L3MBTL3: variants seen among roughly 807,000 people sequenced by gnomAD.
L3MBTL3 encodes the protein lethal(3)malignant brain tumor-like protein 3.
Under a neutral mutation model 102.3 loss-of-function variants are expected in L3MBTL3, and 27 were observed. The ratio of observed to expected loss-of-function variants is 0.26; its 90% CI spans 0.19 to 0.36. The LOEUF (loss-of-function observed/expected upper bound fraction) is 0.36, where lower values mean the gene tolerates loss of function less well. L3MBTL3 is among the 10% of genes least tolerant of loss of function. The probability of loss-of-function intolerance (pLI) is 1.00; values close to 1 mark genes in which losing one functional copy is unlikely to be tolerated. For synonymous variants in L3MBTL3, 340 were observed against 320.9 expected (o/e 1.06, Z -0.64); for missense variants, 798 against 955.3 (o/e 0.84, Z 2.17).
rs199843040 is a variant in L3MBTL3 at position 130,066,400 on chromosome 6, C to T, written c.912C>T (p.Cys304=). The T allele has an allele frequency of 1.5e-5, 24 of 1,610,798 alleles. No individual in the cohort carries two copies. In the East Asian group the frequency reaches 5.4e-4, roughly 36 times the overall value. The change falls in exon 11 of 23, where the codon TGC becomes TGT. Residue 304 remains cysteine (C), a synonymous_variant. Transcript: ENST00000361794. ...IKLHFDGYSD[C]YDFWVNADAL... The stretch of plus-strand genomic sequence containing the variant: ...TTCACTTTGATGGGTATTCTGATTG[C>T]TATGACTTCTGGGTGAATGCAGACG...
chr6:130,132,661 C>T (rs1331526706), intron 20 of L3MBTL3, among the ~76,000 whole-genome samples: 3 of 152,106 alleles, frequency 2.0e-5, no homozygotes, highest in Non-Finnish European at 4.4e-5. Flanking sequence ...CTAAGTCAAG[C>T]GTCCAGAGGA....
chr6:130,042,280 A>G (rs561220436), intron 2 of L3MBTL3, among the ~76,000 whole-genome samples: 9 of 152,200 alleles, frequency 5.9e-5, no homozygotes, highest in Non-Finnish European at 1.2e-4. Context: ...TAGAATAACA[A>G]ATTGGCAGAT....
chr6:130,052,742 A>G, intron 6 of L3MBTL3, 117 bp from the exon 7 acceptor site: 2 of 1,280,414 alleles, frequency 1.6e-6, no homozygotes, highest in Non-Finnish European at 2.1e-6. Flanking sequence ...CCTGGTAGTT[A>G]AAGATTTTTC....
intron 2 of L3MBTL3, among the ~76,000 whole-genome samples, chr6:130,039,139 G>A (rs1193475056): frequency 6.6e-6 from 1 of 151,934 alleles, no homozygotes; most frequent in Non-Finnish European, 1.5e-5. Context: ...AAACTATCAT[G>A]GACCCTTCAC....
rs767488277 is a variant in L3MBTL3 at position 130,133,409 on chromosome 6, G to C, written c.1967-43G>C. 3.1e-6 allele frequency: 5 copies of C among 1,600,804 alleles called. No individual in the cohort carries two copies. In the Admixed American group the frequency reaches 5.0e-5, roughly 16 times the overall value. On this transcript the variant is annotated intron_variant, in intron 20 of 22. Transcript: ENST00000361794. This position sits in a 1 kb window ranked among gnomAD's most constrained non-coding sequence, Gnocchi z 4.9. ...GATGCACGGCATTTGGGGCTTTCTTGCTGCTTTCAGAGAGTGATTTCCCAT... is the reference window on the plus strand; with the variant it reads ...GATGCACGGCATTTGGGGCTTTCTTCCTGCTTTCAGAGAGTGATTTCCCAT...
At position 130,094,240 on chromosome 6, in the gene L3MBTL3, C is replaced by G. The variant is rs754223206; in HGVS notation, c.1634-25C>G. 15 of 1,576,868 alleles carry G rather than the reference C, an allele frequency of 9.5e-6. No individual in the cohort carries two copies. In the Admixed American group the frequency reaches 2.5e-4, roughly 27 times the overall value. ...ATTTTTGCTTAATATTTTGCCCCTT[C>G]TTTCTTTTCTTTGCTCTTTCATAGG... On this transcript the variant is annotated intron_variant, in intron 17 of 22. Coordinates refer to ENST00000361794, the MANE Select transcript of L3MBTL3 (RefSeq NM_032438.4).
At chr6:130,122,841 C>T (rs1415143832) in intron 20 of L3MBTL3, among the ~76,000 whole-genome samples, 1 of 152,076 alleles carries the variant, frequency 6.6e-6, no homozygotes, top group Non-Finnish European at 1.5e-5. Context: ...GCCTCAGTTT[C>T]GTCTTGTGTA....
chr6:130,027,696 T>C (rs1779440968), intron 2 of L3MBTL3, among the ~76,000 whole-genome samples: 1 of 152,094 alleles, frequency 6.6e-6, no homozygotes, highest in Non-Finnish European at 1.5e-5. Flanking sequence ...TATAAAAATA[T>C]GAAGCAAAAT....
intron 11 of L3MBTL3, 21 bp downstream of exon 11, chr6:130,066,509 A>G: frequency 1.3e-6 from 2 of 1,597,058 alleles, no homozygotes; most frequent in Non-Finnish European, 1.7e-6. Context: ...TTTTTGTTTG[A>G]TATTTTAAAT....
At chr6:130,072,456 A>G (rs1172640786) in intron 13 of L3MBTL3, among the ~76,000 whole-genome samples, 1 of 152,184 alleles carries the variant, frequency 6.6e-6, no homozygotes, top group African/African-American at 2.4e-5. Flanking sequence ...ACTCTGCTTT[A>G]GAATATTTTG....
chr6:130,067,019 C>T (rs1782303033), intron 11 of L3MBTL3, among the ~76,000 whole-genome samples: 1 of 152,122 alleles, frequency 6.6e-6, no homozygotes, highest in African/African-American at 2.4e-5. Context: ...TATTTGAGTA[C>T]TTTATATTAT....
chr6:130,067,498 A>G (rs1408302645), intron 11 of L3MBTL3, among the ~76,000 whole-genome samples: 1 of 152,146 alleles, frequency 6.6e-6, no homozygotes, highest in Non-Finnish European at 1.5e-5. Context: ...CTGGGTTGAT[A>G]TTTTTGGCCT....
chr6:130,029,931 C>A (rs924232656), intron 2 of L3MBTL3, among the ~76,000 whole-genome samples: 1 of 152,148 alleles, frequency 6.6e-6, no homozygotes, highest in Non-Finnish European at 1.5e-5. Context: ...TCAAGCGATT[C>A]TCGTGCTTCA....
At chr6:130,023,810 T>G (rs971237765) in intron 2 of L3MBTL3, among the ~76,000 whole-genome samples, 8 of 152,196 alleles carry the variant, frequency 5.3e-5, no homozygotes, top group African/African-American at 1.7e-4. Flanking sequence ...TGGCTAAAAC[T>G]TTTAGATTGG....
intron 14 of L3MBTL3, among the ~76,000 whole-genome samples, chr6:130,082,365 T>TAACC (rs1783420382): frequency 6.6e-6 from 1 of 152,222 alleles, no homozygotes; most frequent in African/African-American, 2.4e-5. Flanking sequence ...TATACAAAAT[T>TAACC]AGTTGATATT....
intron 5 of L3MBTL3, among the ~76,000 whole-genome samples, chr6:130,050,939 AGATC>A (rs920326292): frequency 1.3e-5 from 2 of 152,250 alleles, no homozygotes; most frequent in African/African-American, 2.4e-5. Flanking sequence ...AAGTTTCTAT[AGATC>A]GATATATGCG....
At chr6:130,070,842 C>G (rs983306688) in intron 12 of L3MBTL3, 134 bp from the exon 13 acceptor site, 8 of 175,372 alleles carry the variant, frequency 4.6e-5, no homozygotes, top group Admixed American at 7.2e-5. Flanking sequence ...TGCTGTGAAA[C>G]TGGCATATGA....
rs1787268998 is a variant in L3MBTL3, at chr6:130,133,386, T to C, written c.1967-66T>C. 1 of 1,501,978 alleles carries C rather than the reference T, an allele frequency of 6.7e-7. No individual in the cohort carries two copies. Among genetic ancestry groups the C allele is most frequent in the East Asian group, 2.3e-5 (1 of 44,102 alleles). 93.0% of individuals were successfully genotyped at this position (1,501,978 alleles called of 1,614,324 possible). A position where few individuals can be genotyped will look rare whatever the true frequency, so the allele number is the denominator to read the frequency against. ...ACCTCCAGTCTCGTTATCTGGGAGA[T>C]GCACGGCATTTGGGGCTTTCTTGCT... is the stretch of plus-strand genomic sequence containing the variant. On this transcript the variant is annotated intron_variant, in intron 20 of 22. Coordinates refer to ENST00000361794, the MANE Select transcript of L3MBTL3 (RefSeq NM_032438.4). This position sits in a 1 kb window ranked among gnomAD's most constrained non-coding sequence, Gnocchi z 4.9.
chr6:130,082,115 G>T (rs1291319572), intron 14 of L3MBTL3, among the ~76,000 whole-genome samples: 1 of 152,080 alleles, frequency 6.6e-6, no homozygotes. Flanking sequence ...CTCTTTACTG[G>T]TTCGCTTTTA....
Sources: allele counts gnomAD v4.1 joint callset (sites outside exome capture counted in the v4.1 genomes callset), GRCh38; gene constraint gnomAD v4.1.1; non-coding constraint Gnocchi (gnomAD v3.1); transcripts MANE v1.5; gene names NCBI Gene and HGNC (gene_info 2026-07-23, HGNC 2026-07-21).